STIM1: variants seen among roughly 807,000 people sequenced by gnomAD.
The protein encoded by STIM1 is stromal interaction molecule 1.
STIM1 carries 25 observed loss-of-function variants against 74.7 expected under a neutral mutation model. The ratio of observed to expected loss-of-function variants is 0.33; its 90% confidence interval spans 0.24 to 0.47. The LOEUF is 0.47. STIM1 is among the 20% of genes least tolerant of loss of function. STIM1 has a pLI of 1.00. For missense variants in STIM1, 728 were observed against 920.8 expected, an observed-to-expected ratio of 0.79 and a Z score of 2.71; for synonymous variants, 328 against 348.8, an observed-to-expected ratio of 0.94 and a Z score of 0.66.
intron 3 of STIM1, 35 bp from the exon 4 acceptor site, chr11:4,055,491 T>A (rs200837007): frequency 6.6e-7 from 1 of 1,505,494 alleles, no homozygotes; most frequent in Non-Finnish European, 9.1e-7. Flanking sequence ...TGCTTGGCAT[T>A]CTAGAGTCAT....
chr11:3,883,379 G>A (rs562756773), intron 1 of STIM1, among the ~76,000 whole-genome samples: 2 of 152,270 alleles, frequency 1.3e-5, no homozygotes, highest in East Asian at 3.9e-4. Flanking sequence ...TTTTGAGACA[G>A]AGTTTCACTC....
At chr11:3,905,834 G>A (rs1339283882) in intron 1 of STIM1, among the ~76,000 whole-genome samples, 1 of 152,136 alleles carries the variant, frequency 6.6e-6, no homozygotes, top group Non-Finnish European at 1.5e-5. Context: ...GCTTAATGTT[G>A]AAACTCTAAA....
intron 1 of STIM1, among the ~76,000 whole-genome samples, chr11:3,876,606 A>T (rs1304960607): frequency 6.6e-6 from 1 of 152,032 alleles, no homozygotes; most frequent in Non-Finnish European, 1.5e-5. Context: ...GCAGGGTTTC[A>T]CTGTGTTGCC....
intron 4 of STIM1, among the ~76,000 whole-genome samples, chr11:4,055,908 C>G (rs978958118): frequency 6.6e-6 from 1 of 152,216 alleles, no homozygotes; most frequent in Admixed American, 6.5e-5. Context: ...AGGCATTCTA[C>G]TCAACACTGT....
At chr11:3,873,374 C>T (rs189816430) in intron 1 of STIM1, among the ~76,000 whole-genome samples, 119 of 148,884 alleles carry the variant, frequency 8.0e-4, no homozygotes, top group African/African-American at 2.7e-3. Flanking sequence ...GCCGAGATTG[C>T]GCCATTGCAC....
upstream of STIM1, chr11:3,855,163 A>T (rs1266729034): frequency 1.3e-5 from 2 of 152,202 alleles, no homozygotes; most frequent in African/African-American, 4.8e-5. Context: ...ACTGGCCGGG[A>T]GTTGGGGGCT....
chr11:3,895,722 C>CT (rs1565105240), intron 1 of STIM1, among the ~76,000 whole-genome samples: 31 of 37,030 alleles, frequency 8.4e-4, no homozygotes, highest in East Asian at 3.1e-3. Context: ...TTCTTTCTTT[C>CT]TTTCTTTCTT....
chr11:3,973,796 C>G, intron 2 of STIM1: 1 of 334,714 alleles, frequency 3.0e-6, no homozygotes. Context: ...TCACTGTAGC[C>G]TTTACCTCCC....
intron 1 of STIM1, among the ~76,000 whole-genome samples, chr11:3,940,320 G>A (rs954692190): frequency 1.3e-5 from 2 of 152,006 alleles, no homozygotes; most frequent in African/African-American, 2.4e-5. Flanking sequence ...TACATAAATG[G>A]GAAAATAGTT....
chr11:4,016,490 A>T (rs991144096), intron 2 of STIM1, among the ~76,000 whole-genome samples: 1 of 152,230 alleles, frequency 6.6e-6, no homozygotes, highest in Non-Finnish European at 1.5e-5. Flanking sequence ...TCTCCCAGTC[A>T]GGCTACACGG....
chr11:3,895,638 CTT>C (rs1248271593), intron 1 of STIM1, among the ~76,000 whole-genome samples: 206 of 8,366 alleles, frequency 0.025, 1 homozygote, highest in African/African-American at 0.048. Context: ...TTCTTTCTTT[CTT>C]TCTTTCTTTC....
chr11:3,870,599 C>T (rs561071024), intron 1 of STIM1, among the ~76,000 whole-genome samples: 13 of 152,228 alleles, frequency 8.5e-5, no homozygotes, highest in Middle Eastern at 3.4e-3. Flanking sequence ...CAGGCTCAGG[C>T]GATCCTCCCA....
chr11:4,068,784 C>A (rs1387276987), intron 5 of STIM1, among the ~76,000 whole-genome samples: 1 of 152,210 alleles, frequency 6.6e-6, no homozygotes, highest in African/African-American at 2.4e-5. Flanking sequence ...CTCAGCCTTT[C>A]TGTGAGGAGC....
At chr11:3,863,525 T>A (rs1171597601) in intron 1 of STIM1, among the ~76,000 whole-genome samples, 1 of 152,178 alleles carries the variant, frequency 6.6e-6, no homozygotes, top group African/African-American at 2.4e-5. Flanking sequence ...CCCAAAGTGC[T>A]GGGATTACAG....
intron 2 of STIM1, among the ~76,000 whole-genome samples, chr11:3,995,366 G>A (rs1039524961): frequency 1.3e-5 from 2 of 152,122 alleles, no homozygotes; most frequent in Non-Finnish European, 2.9e-5. Context: ...GATTGTTTAA[G>A]TGGTTGATCC....
intron 1 of STIM1, among the ~76,000 whole-genome samples, chr11:3,953,246 A>C (rs1444571235): frequency 1.3e-5 from 2 of 152,212 alleles, no homozygotes; most frequent in Non-Finnish European, 2.9e-5. Flanking sequence ...TTAAGTTCTA[A>C]TGAGAAAGAG....
rs1419103178 is a variant in STIM1, at chr11:4,023,860, T to C, written c.271-13T>C. ...TAGGTATCTCTTGTGACTTGTGTAC[T>C]TTTCCCTTGCAGTTCCTGAGGGAAG... On this transcript the variant is annotated splice_polypyrimidine_tract_variant and intron_variant, in intron 2 of 12. Transcript: ENST00000526596. 1.9e-6 allele frequency: 3 copies of C among 1,609,186 alleles called. No individual in the cohort carries two copies. The highest frequency in any genetic ancestry group is 2.6e-6 in the Non-Finnish European group (3 of 1,175,794).
At chr11:4,086,742 C>G in intron 12 of STIM1, 199 bp downstream of exon 12, 1 of 1,537,594 alleles carries the variant, frequency 6.5e-7, no homozygotes, top group African/African-American at 1.4e-5. Flanking sequence ...TCACCACCGT[C>G]CATGTCCACC....
chr11:3,902,847 C>T (rs561634890), intron 1 of STIM1, among the ~76,000 whole-genome samples: 10 of 152,140 alleles, frequency 6.6e-5, no homozygotes, highest in Middle Eastern at 3.4e-3. Context: ...GGGCAGATTG[C>T]AATTGGTGTT....
Sources: allele counts gnomAD v4.1 joint callset (sites outside exome capture counted in the v4.1 genomes callset), GRCh38; gene constraint gnomAD v4.1.1; transcripts MANE v1.5; gene names NCBI Gene and HGNC (gene_info 2026-07-23, HGNC 2026-07-21).